FBXO34: variants seen among roughly 807,000 people sequenced by gnomAD.
FBXO34 encodes the protein F-box only protein 34.
A neutral mutation model predicts 24.5 loss-of-function variants in FBXO34; 12 were observed. The observed-to-expected ratio is 0.49, with a 90% CI of 0.31 to 0.79. FBXO34 has a LOEUF of 0.79. FBXO34 is among the 30% of genes least tolerant of loss of function. The pLI, the probability that FBXO34 is intolerant of heterozygous loss-of-function variation, is 0.04. For synonymous variants in FBXO34, 320 were observed against 311.9 expected (o/e 1.03, Z -0.27); for missense variants, 823 against 857.7 (o/e 0.96, Z 0.51).
intron 1 of FBXO34, among the ~76,000 whole-genome samples, chr14:55,320,331 G>A (rs1883086711): frequency 7.2e-5 from 11 of 152,214 alleles, no homozygotes; most frequent in Admixed American, 7.2e-4. Flanking sequence ...GACAAGACAA[G>A]CTCCTTTCTC....
rs573274559 is a variant in FBXO34, at chr14:55,319,472, A to G, written c.-10-30909A>G. Among the ~76,000 whole-genome samples the G allele has an allele frequency of 3.3e-5, 5 of 152,080 alleles. 1 individual carries two copies. Among genetic ancestry groups the G allele is most frequent in the African/African-American group, 7.2e-5 (3 of 41,468 alleles). On this transcript the variant is annotated intron_variant, in intron 1 of 1. Coordinates refer to ENST00000313833, the MANE Select transcript of FBXO34 (RefSeq NM_017943.4). ...TCCATTCTGTCCTTCTTCCCTCACT[A>G]TGGTTTGTGTTTGAGTTGTTTTCAG...
At chr14:55,379,977 A>G in the FBXO34 span, among the ~76,000 whole-genome samples, 2 of 152,190 alleles carry the variant, frequency 1.3e-5, no homozygotes, top group Non-Finnish European at 2.9e-5. Context: ...GGCAGGGCAC[A>G]GTGGCTCACC....
chr14:55,323,328 A>C (rs1348198895), intron 1 of FBXO34, among the ~76,000 whole-genome samples: 1 of 142,424 alleles, frequency 7.0e-6, no homozygotes, highest in African/African-American at 2.7e-5. Flanking sequence ...TGGCCTCCCA[A>C]AGTACTGGGA....
At chr14:55,436,781 G>A in the FBXO34 span, 1 of 1,614,198 alleles carries the variant, frequency 6.2e-7, no homozygotes, top group Non-Finnish European at 8.5e-7. Flanking sequence ...CTACTTTGTG[G>A]ACTTTGGCTT....
chr14:55,437,071 T>A, the FBXO34 span: 1 of 1,514,132 alleles, frequency 6.6e-7, no homozygotes, highest in East Asian at 2.3e-5. Flanking sequence ...GAACAGCATG[T>A]TACACAAAAG....
intron 1 of FBXO34, among the ~76,000 whole-genome samples, chr14:55,296,395 T>TGTTTTG (rs1280397291): frequency 8.9e-6 from 1 of 112,578 alleles, no homozygotes; most frequent in South Asian, 3.7e-4. Flanking sequence ...TTTTTTGTTT[T>TGTTTTG]TTTTTTTTTT....
intron 1 of FBXO34, among the ~76,000 whole-genome samples, chr14:55,335,561 G>A (rs1425777968): frequency 6.6e-6 from 1 of 152,120 alleles, no homozygotes; most frequent in African/African-American, 2.4e-5. Context: ...CAACCAATTT[G>A]GTGACTTTTA....
At chr14:55,409,545 C>T in the FBXO34 span, among the ~76,000 whole-genome samples, 34,422 of 151,498 alleles carry the variant, frequency 0.23, 4,196 homozygotes, top group South Asian at 0.27. Flanking sequence ...AAGAGTCTAA[C>T]GTATGAGCAG....
intron 1 of FBXO34, among the ~76,000 whole-genome samples, chr14:55,320,765 A>G (rs539473484): frequency 6.6e-6 from 1 of 152,316 alleles, no homozygotes; most frequent in South Asian, 2.1e-4. Flanking sequence ...TAAAATATAT[A>G]TATAAAGTTT....
the FBXO34 span, among the ~76,000 whole-genome samples, chr14:55,429,246 T>A: frequency 6.6e-6 from 1 of 152,206 alleles, no homozygotes. Context: ...TTTACTTGGG[T>A]GTTATTTGCT....
chr14:55,425,887 C>T, the FBXO34 span, among the ~76,000 whole-genome samples: 7 of 152,154 alleles, frequency 4.6e-5, no homozygotes, highest in Admixed American at 1.3e-4. Flanking sequence ...TATTGCTTGC[C>T]ATTATCATCC....
downstream of FBXO34, among the ~76,000 whole-genome samples, chr14:55,373,465 ATTT>A (rs969224301): frequency 6.6e-6 from 1 of 151,896 alleles, no homozygotes; most frequent in Non-Finnish European, 1.5e-5. Context: ...TTTATTACTT[ATTT>A]TTTTATTTTG....
At chr14:55,311,264 C>T (rs1249351297) in intron 1 of FBXO34, among the ~76,000 whole-genome samples, 1 of 152,180 alleles carries the variant, frequency 6.6e-6, no homozygotes, top group Non-Finnish European at 1.5e-5. Flanking sequence ...AATTCATTCA[C>T]TAACATGAGA....
chr14:55,315,072 A>G (rs1882882358), intron 1 of FBXO34, among the ~76,000 whole-genome samples: 1 of 151,928 alleles, frequency 6.6e-6, no homozygotes, highest in South Asian at 2.1e-4. Context: ...TTTCCCTGGT[A>G]TAGGTATTTA....
chr14:55,432,716 A>G, the FBXO34 span, among the ~76,000 whole-genome samples: 2 of 152,222 alleles, frequency 1.3e-5, no homozygotes, highest in African/African-American at 4.8e-5. Context: ...ATGAACACTT[A>G]GTACATTTAT....
At chr14:55,301,886 T>C (rs1882367954) in intron 1 of FBXO34, among the ~76,000 whole-genome samples, 1 of 152,208 alleles carries the variant, frequency 6.6e-6, no homozygotes, top group Non-Finnish European at 1.5e-5. Flanking sequence ...TCTTGGCCTC[T>C]CTCCCCATGC....
chr14:55,322,226 C>T (rs1167978615), intron 1 of FBXO34, among the ~76,000 whole-genome samples: 7 of 150,282 alleles, frequency 4.7e-5, no homozygotes, highest in South Asian at 2.1e-4. Context: ...AAGAGAATGG[C>T]GTGAACCCGG....
chr14:55,408,436 G>C, the FBXO34 span, among the ~76,000 whole-genome samples: 62 of 152,080 alleles, frequency 4.1e-4, no homozygotes, highest in Non-Finnish European at 7.8e-4. Flanking sequence ...CTGGGTTACA[G>C]GGTGAGACCC....
intron 3 of FBXO34, among the ~76,000 whole-genome samples, chr14:55,358,672 C>T (rs1884554012): frequency 6.6e-6 from 1 of 152,224 alleles, no homozygotes. Flanking sequence ...ATTGGCCCTA[C>T]TAATGTGCAG....
Sources: gnomAD v4.1 joint callset for allele counts (sites outside exome capture counted in the v4.1 genomes callset) on GRCh38, gnomAD v4.1.1 for gene constraint, MANE v1.5 for transcripts, NCBI Gene and HGNC (gene_info 2026-07-23, HGNC 2026-07-21) for gene names.